SHANK2: variants seen among roughly 807,000 people sequenced by gnomAD.
SHANK2 encodes the protein SH3 and multiple ankyrin repeat domains protein 2.
Under a neutral mutation model 133.7 loss-of-function variants are expected in SHANK2, and 43 were observed. The ratio of observed to expected loss-of-function variants is 0.32; its 90% CI spans 0.25 to 0.41. SHANK2 has a LOEUF of 0.41. Ranked by LOEUF, SHANK2 falls within the 10% of genes least tolerant of loss-of-function variation. The pLI is 1.00. For missense variants in SHANK2, 1,994 were observed against 2,235.8 expected (o/e 0.89, Z 2.18); for synonymous variants, 1,017 against 952.8 (o/e 1.07, Z -1.24).
chr11:70,653,225 G>A (rs1555010636), intron 17 of SHANK2, among the ~76,000 whole-genome samples: 1 of 152,042 alleles, frequency 6.6e-6, no homozygotes, highest in Non-Finnish European at 1.5e-5. Flanking sequence ...CGCCTGCCTT[G>A]GCCTCCCAAA....
intron 14 of SHANK2, among the ~76,000 whole-genome samples, chr11:70,770,052 G>A (rs1269412195): frequency 2.0e-5 from 3 of 152,286 alleles, no homozygotes; most frequent in Admixed American, 1.3e-4. Flanking sequence ...AGTGGCCCAC[G>A]GACAGTGTGA....
intron 17 of SHANK2, among the ~76,000 whole-genome samples, chr11:70,636,381 CTGTG>C (rs375249242): frequency 2.4e-5 from 3 of 123,088 alleles, no homozygotes; most frequent in Non-Finnish European, 5.7e-5. Flanking sequence ...GAATGTGAGT[CTGTG>C]TGTATGAGTG....
chr11:70,839,365 C>T (rs1314808872), intron 11 of SHANK2, among the ~76,000 whole-genome samples: 2 of 152,236 alleles, frequency 1.3e-5, no homozygotes, highest in Non-Finnish European at 2.9e-5. Context: ...CTCCCCACCC[C>T]ACTCCACAGC....
chr11:70,548,245 A>C (rs2059719479), intron 17 of SHANK2, among the ~76,000 whole-genome samples: 1 of 152,180 alleles, frequency 6.6e-6, no homozygotes, highest in African/African-American at 2.4e-5. Context: ...AGATGCTTCC[A>C]GTTTTCTCCT....
chr11:70,818,061 G>A (rs1164598888), intron 12 of SHANK2, among the ~76,000 whole-genome samples: 1 of 152,156 alleles, frequency 6.6e-6, no homozygotes, highest in Non-Finnish European at 1.5e-5. Context: ...ACAAAGATTA[G>A]GCAGATTGGG....
At chr11:70,745,117 T>C (rs1946610842) in intron 14 of SHANK2, among the ~76,000 whole-genome samples, 1 of 152,308 alleles carries the variant, frequency 6.6e-6, no homozygotes, top group African/African-American at 2.4e-5. Flanking sequence ...CCCCAATTTC[T>C]ACCCGACCTC....
chr11:70,782,348 C>T (rs147422183), intron 14 of SHANK2, among the ~76,000 whole-genome samples: 9 of 152,352 alleles, frequency 5.9e-5, no homozygotes, highest in African/African-American at 7.2e-5. Context: ...TGAGCCACCG[C>T]GCCCAGCCTT....
chr11:70,810,376 TG>T (rs1308145991), intron 12 of SHANK2, among the ~76,000 whole-genome samples: 1 of 151,664 alleles, frequency 6.6e-6, no homozygotes, highest in Admixed American at 6.6e-5. Context: ...CTGGGAGGGG[TG>T]GGAGCCTGTA....
intron 21 of SHANK2, among the ~76,000 whole-genome samples, 166 bp from the exon 22 acceptor site, chr11:70,492,631 C>A (rs922674903): frequency 6.6e-6 from 1 of 152,190 alleles, no homozygotes; most frequent in South Asian, 2.1e-4. Context: ...TGCATTCCCA[C>A]TGGGGCATGG....
At chr11:70,589,891 C>T (rs1490397148) in intron 17 of SHANK2, among the ~76,000 whole-genome samples, 19 of 152,224 alleles carry the variant, frequency 1.2e-4, no homozygotes, top group East Asian at 9.7e-4. Flanking sequence ...CGGTGGCTCA[C>T]GCCTGTAATC....
rs1336966753 is a variant in SHANK2 at position 71,113,299 on chromosome 11, G to A, written c.477C>T (p.His159=). 1.9e-6 allele frequency: 3 copies of A among 1,551,732 alleles called. No individual in the cohort carries two copies. Among genetic ancestry groups the A allele is most frequent in the Admixed American group, 3.9e-5 (2 of 51,010 alleles). The part of the protein sequence containing the change: ...SLDEKQLAKL[H]TKTNLKKCMD... ...CAGCCCGTTCCCTGCATACCTTCGT[G>A]TGGAGCTTGGCCAACTGTTTCTCAT... The change falls in exon 5 of 26, where the codon CAC becomes CAT. Residue 159 remains histidine (H), a synonymous_variant. Transcript: ENST00000601538.
chr11:71,203,445 G>T (rs555549857), intron 2 of SHANK2, among the ~76,000 whole-genome samples: 2 of 151,062 alleles, frequency 1.3e-5, no homozygotes, highest in South Asian at 2.1e-4. Flanking sequence ...GCAATAAAGG[G>T]TTAACTCAGC....
intron 3 of SHANK2, among the ~76,000 whole-genome samples, chr11:71,131,833 T>C (rs1329099159): frequency 3.9e-5 from 6 of 152,150 alleles, no homozygotes; most frequent in Non-Finnish European, 8.8e-5. Flanking sequence ...CTCGTAAGCA[T>C]GTTAAACACA....
chr11:70,874,967 CTA>C (rs1444048945), intron 11 of SHANK2, among the ~76,000 whole-genome samples: 2 of 152,202 alleles, frequency 1.3e-5, no homozygotes, highest in Non-Finnish European at 1.5e-5. Flanking sequence ...CCACATGTAA[CTA>C]TAACAGGCTT....
At chr11:71,193,727 C>T (rs918499179) in intron 2 of SHANK2, among the ~76,000 whole-genome samples, 4 of 152,176 alleles carry the variant, frequency 2.6e-5, no homozygotes, top group South Asian at 2.1e-4. Context: ...CACAGAGACA[C>T]GCTGTCCCAC....
intron 5 of SHANK2, 44 bp downstream of exon 5, chr11:71,113,249 C>A: frequency 6.6e-7 from 1 of 1,505,810 alleles, no homozygotes; most frequent in Non-Finnish European, 9.0e-7. Context: ...ACAAGGAGGA[C>A]GCCGCCTGCC....
chr11:70,818,263 G>A (rs1184517199), intron 12 of SHANK2, among the ~76,000 whole-genome samples: 4 of 152,006 alleles, frequency 2.6e-5, no homozygotes, highest in Admixed American at 6.6e-5. Context: ...AATGCACACA[G>A]ACCAAAAAAA....
intron 9 of SHANK2, among the ~76,000 whole-genome samples, chr11:71,061,574 A>T (rs1404480875): frequency 6.6e-6 from 1 of 152,130 alleles, no homozygotes; most frequent in Non-Finnish European, 1.5e-5. Context: ...TGCACTGTCA[A>T]TGACACAGGT....
chr11:71,203,609 AAAAG>A (rs782666808), intron 2 of SHANK2, among the ~76,000 whole-genome samples: 11 of 152,176 alleles, frequency 7.2e-5, no homozygotes, highest in Admixed American at 1.3e-4. Flanking sequence ...GAAAAAAAAG[AAAAG>A]AAAGAAAGAC....
Sources: allele counts gnomAD v4.1 joint callset (sites outside exome capture counted in the v4.1 genomes callset), GRCh38; gene constraint gnomAD v4.1.1; transcripts MANE v1.5; gene names NCBI Gene and HGNC (gene_info 2026-07-23, HGNC 2026-07-21).